NBAS: variants seen among roughly 807,000 people sequenced by gnomAD.
The protein encoded by NBAS is NBAS subunit of NRZ tethering complex, also known as NAG/BC035112 fusion.
A neutral mutation model predicts 302.5 loss-of-function variants in NBAS; 219 were observed. The ratio of observed to expected loss-of-function variants is 0.72; its 90% confidence interval spans 0.65 to 0.81. The LOEUF (loss-of-function observed/expected upper bound fraction) is 0.81, where lower values mean the gene tolerates loss of function less well. Ranked by LOEUF, NBAS falls within the 30% of genes least tolerant of loss-of-function variation. NBAS has a pLI of 0.00. For missense variants in NBAS, 2,932 were observed against 2,841.6 expected (o/e 1.03, Z -0.72); for synonymous variants, 1,118 against 1,021.6 (o/e 1.09, Z -1.80).
intron 4 of NBAS, among the ~76,000 whole-genome samples, chr2:15,553,778 TTC>T (rs543333552): frequency 5.3e-4 from 23 of 43,690 alleles, no homozygotes; most frequent in East Asian, 1.5e-3. Flanking sequence ...CCCTCCCTCT[TTC>T]TCTCTCTCCC....
At chr2:15,253,188 C>T (rs1668438960) in intron 44 of NBAS, among the ~76,000 whole-genome samples, 1 of 152,176 alleles carries the variant, frequency 6.6e-6, no homozygotes, top group African/African-American at 2.4e-5. Context: ...AAAACAGTAG[C>T]TCATGACCGC....
chr2:15,052,306 T>G, the NBAS span, among the ~76,000 whole-genome samples: 3 of 152,228 alleles, frequency 2.0e-5, no homozygotes, highest in Non-Finnish European at 4.4e-5. Flanking sequence ...TCTAGTGGTT[T>G]TCAAACTCAG....
chr2:15,215,774 A>G (rs1666623373), intron 48 of NBAS, among the ~76,000 whole-genome samples: 1 of 152,186 alleles, frequency 6.6e-6, no homozygotes, highest in Admixed American at 6.5e-5. Context: ...TTATACACCA[A>G]GCAGCCAAGC....
Position 15,327,890 on chromosome 2 carries a change from T to A in NBAS, c.4462-20A>T. The A allele has an allele frequency of 6.2e-7, 1 of 1,613,386 alleles. No homozygotes were observed. Among genetic ancestry groups the A allele is most frequent in the Non-Finnish European group, 8.5e-7 (1 of 1,179,674 alleles). ...TTCAGACTACACAAAAGAAGCAGTT[T>A]CACTATCTAGTAGGGTGCCTTTTGT... is the stretch of plus-strand genomic sequence containing the variant. On this transcript the variant is annotated intron_variant, in intron 37 of 51. Transcript: ENST00000281513.
At chr2:15,438,650 A>G (rs900114926) in intron 21 of NBAS, among the ~76,000 whole-genome samples, 6 of 152,240 alleles carry the variant, frequency 3.9e-5, no homozygotes, top group African/African-American at 1.4e-4. Flanking sequence ...CAGCATAAAA[A>G]GGGAACTCTA....
At chr2:15,103,689 G>T in the NBAS span, among the ~76,000 whole-genome samples, 11 of 152,186 alleles carry the variant, frequency 7.2e-5, no homozygotes, top group South Asian at 1.5e-3. Context: ...CCATAGAAGG[G>T]GCAGTTTTGC....
rs1990754 is a variant in NBAS at position 15,475,786 on chromosome 2, A to G, written c.1242T>C (p.Ser414=). ...CCAGTAAATTCTTCAAAGTTTTCACAGATGAAACAGTTAAAGCACCAGAGC... is the reference window on the plus strand; with the variant it reads ...CCAGTAAATTCTTCAAAGTTTTCACGGATGAAACAGTTAAAGCACCAGAGC... ...ARCSGALTVS[S]VKTLKNLLGK... is the part of the protein sequence containing the mutation. Residue 414 remains serine (S), a synonymous_variant, in exon 14 of 52, where the codon TCT becomes TCC. Coordinates refer to ENST00000281513, the MANE Select transcript of NBAS (RefSeq NM_015909.4). 1,037,541 of 1,613,686 alleles carry G rather than the reference A, an allele frequency of 0.64. 340,658 individuals carry two copies. Among genetic ancestry groups the G allele is most frequent in the Non-Finnish European group, 0.68 (799,745 of 1,179,804 alleles).
chr2:14,805,781 GGACTTTTATT>G, the NBAS span, among the ~76,000 whole-genome samples: 3 of 152,050 alleles, frequency 2.0e-5, no homozygotes, highest in African/African-American at 7.2e-5. Flanking sequence ...TCTCCTGCCT[GGACTTTTATT>G]GACTGCCTTT....
chr2:15,298,979 T>C (rs1670676160), intron 40 of NBAS, among the ~76,000 whole-genome samples: 1 of 152,088 alleles, frequency 6.6e-6, no homozygotes, highest in Admixed American at 6.5e-5. Flanking sequence ...CATGAGTTGC[T>C]CTACATCCAG....
intron 28 of NBAS, chr2:15,393,529 A>C: frequency 2.6e-6 from 1 of 379,268 alleles, no homozygotes; most frequent in Non-Finnish European, 5.3e-6. Context: ...ATCCTTTAAA[A>C]AACAGTTTGG....
At chr2:15,327,135 C>T (rs1297448327) in intron 38 of NBAS, among the ~76,000 whole-genome samples, 1 of 152,088 alleles carries the variant, frequency 6.6e-6, no homozygotes, top group African/African-American at 2.4e-5. Flanking sequence ...CCCTTTTCTT[C>T]CTCGCTGACA....
chr2:15,180,427 C>T (rs564351211), intron 50 of NBAS: 43 of 152,382 alleles, frequency 2.8e-4, no homozygotes, highest in African/African-American at 9.9e-4. Context: ...GAACACGTGA[C>T]ACAGAGCAGT....
intron 44 of NBAS, among the ~76,000 whole-genome samples, chr2:15,253,410 A>T (rs1416934234): frequency 6.6e-6 from 1 of 152,008 alleles, no homozygotes; most frequent in African/African-American, 2.4e-5. Context: ...TAGGCAAGGG[A>T]TTGTCCAGCA....
chr2:15,277,325 G>A (rs181128252), intron 42 of NBAS, among the ~76,000 whole-genome samples: 10 of 152,238 alleles, frequency 6.6e-5, no homozygotes, highest in East Asian at 1.9e-4. Context: ...GTTATCTCAC[G>A]GGGGTCTACA....
intron 21 of NBAS, among the ~76,000 whole-genome samples, chr2:15,442,915 A>C (rs938376350): frequency 3.3e-5 from 5 of 152,310 alleles, no homozygotes; most frequent in Admixed American, 6.5e-5. Flanking sequence ...GAAATGGATA[A>C]ATTCCTCGAC....
chr2:15,155,936 T>C, the NBAS span, among the ~76,000 whole-genome samples: 1 of 152,352 alleles, frequency 6.6e-6, no homozygotes, highest in East Asian at 1.9e-4. Context: ...AGAAGGCTTA[T>C]GCTTCACAAT....
At chr2:15,332,271 TAAG>T (rs1672388361) in intron 35 of NBAS, among the ~76,000 whole-genome samples, 1 of 152,188 alleles carries the variant, frequency 6.6e-6, no homozygotes, top group African/African-American at 2.4e-5. Context: ...TGTGTGGCTC[TAAG>T]AAGAGATTCA....
intron 6 of NBAS, among the ~76,000 whole-genome samples, chr2:15,549,585 G>A (rs1451805979): frequency 6.6e-6 from 1 of 151,902 alleles, no homozygotes; most frequent in African/African-American, 2.4e-5. Context: ...AAAATTAGCT[G>A]GGCATGGTGA....
the NBAS span, among the ~76,000 whole-genome samples, chr2:15,019,055 T>C: frequency 2.0e-5 from 3 of 152,202 alleles, no homozygotes; most frequent in East Asian, 3.9e-4. Context: ...GTTCAAAACA[T>C]GCAGTTTAAT....
Sources: allele counts gnomAD v4.1 joint callset (sites outside exome capture counted in the v4.1 genomes callset), GRCh38; gene constraint gnomAD v4.1.1; transcripts MANE v1.5; gene names NCBI Gene and HGNC (gene_info 2026-07-23, HGNC 2026-07-21).